Variants in GRM7 observed in about 807,000 individuals in gnomAD.
The protein encoded by GRM7 is glutamate metabotropic receptor 7.
Under a neutral mutation model 84.5 loss-of-function variants are expected in GRM7, and 35 were observed. That is an observed-to-expected ratio of 0.41 (90% CI 0.32 to 0.55). The LOEUF (loss-of-function observed/expected upper bound fraction) is 0.55, where lower values mean the gene tolerates loss of function less well. Among genes scored for constraint, GRM7 ranks in the 20% least tolerant of loss-of-function variants. GRM7 has a pLI of 0.19. For synonymous variants in GRM7, 487 were observed against 455.1 expected (o/e 1.07, Z -0.89); for missense variants, 1,003 against 1,194.6 (o/e 0.84, Z 2.36).
chr3:7,442,792 A>G (rs1268233182), intron 5 of GRM7, among the ~76,000 whole-genome samples: 2 of 152,148 alleles, frequency 1.3e-5, no homozygotes, highest in Non-Finnish European at 1.5e-5. Context: ...ACTTGACATG[A>G]GAGTGGAAAC....
intron 5 of GRM7, among the ~76,000 whole-genome samples, chr3:7,441,819 G>C (rs1056426937): frequency 4.0e-5 from 6 of 151,806 alleles, no homozygotes; most frequent in Admixed American, 2.0e-4. Context: ...GGCTCTCTAA[G>C]CTATTCCATT....
At chr3:7,613,448 C>G (rs145413578) in intron 8 of GRM7, among the ~76,000 whole-genome samples, 2 of 152,242 alleles carry the variant, frequency 1.3e-5, no homozygotes, top group African/African-American at 4.8e-5. Flanking sequence ...GATGAACACT[C>G]TAAATATGTG....
chr3:7,602,917 G>C (rs905412955), intron 8 of GRM7, among the ~76,000 whole-genome samples: 1 of 152,090 alleles, frequency 6.6e-6, no homozygotes. Context: ...GGAATGAGTT[G>C]AGTTGGTAAG....
intron 1 of GRM7, among the ~76,000 whole-genome samples, chr3:6,957,253 AG>A: frequency 6.6e-6 from 1 of 152,200 alleles, no homozygotes; most frequent in Non-Finnish European, 1.5e-5. Flanking sequence ...TCTCTGTTGA[AG>A]GAATTTCTCC....
At chr3:7,358,067 C>T (rs1693488694) in intron 4 of GRM7, among the ~76,000 whole-genome samples, 1 of 152,068 alleles carries the variant, frequency 6.6e-6, no homozygotes, top group Non-Finnish European at 1.5e-5. Context: ...TTGCTCCATT[C>T]CTCCTCCAAC....
At chr3:7,576,733 CATT>C (rs1694980932) in intron 7 of GRM7, among the ~76,000 whole-genome samples, 1 of 152,144 alleles carries the variant, frequency 6.6e-6, no homozygotes, top group Admixed American at 6.5e-5. Flanking sequence ...AATCAGCCAT[CATT>C]GTTAATTGGA....
intron 4 of GRM7, among the ~76,000 whole-genome samples, chr3:7,351,863 T>A (rs978075304): frequency 2.6e-5 from 4 of 151,988 alleles, no homozygotes; most frequent in Admixed American, 6.6e-5. Context: ...TTCCTTGGTT[T>A]TGAGGCTTTC....
At chr3:7,656,386 C>A (rs1339788263) in intron 8 of GRM7, among the ~76,000 whole-genome samples, 1 of 151,892 alleles carries the variant, frequency 6.6e-6, no homozygotes, top group African/African-American at 2.4e-5. Context: ...GTCCCAGCTA[C>A]TTGGGAGGCT....
chr3:7,257,557 CA>C (rs1698254476), intron 2 of GRM7, among the ~76,000 whole-genome samples: 1 of 152,142 alleles, frequency 6.6e-6, no homozygotes, highest in African/African-American at 2.4e-5. Context: ...ACTGTAAGGG[CA>C]AAACCATGAA....
intron 2 of GRM7, among the ~76,000 whole-genome samples, chr3:7,215,354 G>A (rs1696565358): frequency 6.6e-6 from 1 of 152,088 alleles, no homozygotes; most frequent in Admixed American, 6.5e-5. Context: ...CCACTTGTTT[G>A]AAGTGATATT....
intron 2 of GRM7, among the ~76,000 whole-genome samples, chr3:7,232,235 C>G (rs568273859): frequency 3.3e-5 from 5 of 151,276 alleles, no homozygotes; most frequent in Admixed American, 3.3e-4. Context: ...CATTTTTTTG[C>G]TCACTCAGAT....
chr3:7,381,154 T>G (rs1694574045), intron 4 of GRM7, among the ~76,000 whole-genome samples: 1 of 152,008 alleles, frequency 6.6e-6, no homozygotes, highest in Middle Eastern at 3.4e-3. Flanking sequence ...TTTATGCTAT[T>G]ATTTAGTTAG....
intron 1 of GRM7, among the ~76,000 whole-genome samples, chr3:7,002,876 G>A (rs1479321052): frequency 3.3e-5 from 5 of 151,974 alleles, no homozygotes; most frequent in Non-Finnish European, 4.4e-5. Flanking sequence ...AGAAAATGTG[G>A]TATATTACAC....
intron 9 of GRM7, among the ~76,000 whole-genome samples, chr3:7,710,489 C>G (rs916239398): frequency 9.8e-6 from 1 of 101,874 alleles, no homozygotes; most frequent in African/African-American, 3.5e-5. Flanking sequence ...TGGAACCTTG[C>G]CAGATGGTGT....
At chr3:7,295,663 G>A (rs1044673273) in intron 2 of GRM7, among the ~76,000 whole-genome samples, 2 of 152,144 alleles carry the variant, frequency 1.3e-5, no homozygotes, top group Non-Finnish European at 2.9e-5. Context: ...TACATATTTT[G>A]TTGCCTAAGC....
chr3:7,132,367 C>A (rs1693630045), intron 1 of GRM7, among the ~76,000 whole-genome samples: 1 of 152,116 alleles, frequency 6.6e-6, no homozygotes, highest in Non-Finnish European at 1.5e-5. Context: ...TGGGTACCCA[C>A]AAGCATACGT....
chr3:7,282,031 A>G (rs1011791499), intron 2 of GRM7, among the ~76,000 whole-genome samples: 2 of 152,124 alleles, frequency 1.3e-5, no homozygotes, highest in African/African-American at 4.8e-5. Flanking sequence ...TGCAGTGAGC[A>G]GAGATTGCGC....
At chr3:7,624,508 A>G (rs1358954491) in intron 8 of GRM7, among the ~76,000 whole-genome samples, 1 of 152,106 alleles carries the variant, frequency 6.6e-6, no homozygotes, top group Non-Finnish European at 1.5e-5. Flanking sequence ...CTTTTACAAA[A>G]CCCATATATT....
chr3:7,695,945 CG>C (rs1700999015), intron 9 of GRM7, among the ~76,000 whole-genome samples: 1 of 152,144 alleles, frequency 6.6e-6, no homozygotes, highest in Admixed American at 6.6e-5. Context: ...CTTAAACATT[CG>C]GCTTCTCAGT....
Sources: gnomAD v4.1 joint callset for allele counts (sites outside exome capture counted in the v4.1 genomes callset) on GRCh38, gnomAD v4.1.1 for gene constraint, MANE v1.5 for transcripts, NCBI Gene and HGNC (gene_info 2026-07-23, HGNC 2026-07-21) for gene names.